The following CC2D1A variants were observed in gnomAD, a reference collection of about 807,000 sequenced individuals.
CC2D1A encodes the protein coiled-coil and C2 domain-containing protein 1A.
Under a neutral mutation model 123.8 loss-of-function variants are expected in CC2D1A, and 68 were observed. The observed-to-expected ratio is 0.55, with a 90% CI of 0.45 to 0.67. The LOEUF (loss-of-function observed/expected upper bound fraction) is 0.67, where lower values mean the gene tolerates loss of function less well. Among genes scored for constraint, CC2D1A ranks in the 30% least tolerant of loss-of-function variants. CC2D1A has a pLI of 0.00. For missense variants in CC2D1A, 1,185 were observed against 1,290.3 expected (o/e 0.92, Z 1.25); for synonymous variants, 477 against 528.0 (o/e 0.90, Z 1.32).
At chr19:13,914,497 G>T (rs1971130739) in intron 6 of CC2D1A, among the ~76,000 whole-genome samples, 1 of 151,142 alleles carries the variant, frequency 6.6e-6, no homozygotes, top group Non-Finnish European at 1.5e-5. Context: ...ACCACACCTG[G>T]CTAATTTTTT....
intron 6 of CC2D1A, among the ~76,000 whole-genome samples, chr19:13,915,921 T>A (rs546712734): frequency 1.8e-4 from 27 of 152,080 alleles, no homozygotes; most frequent in Non-Finnish European, 3.4e-4. Context: ...AGAGGTACAT[T>A]TCTGGTAGAA....
At chr19:13,925,933 A>AAAAATATAT (rs1315518981) in intron 17 of CC2D1A, among the ~76,000 whole-genome samples, 3 of 91,044 alleles carry the variant, frequency 3.3e-5, no homozygotes, top group African/African-American at 1.4e-4. Flanking sequence ...AAAAAAAAAA[A>AAAAATATAT]ATATATATAT....
At chr19:13,926,065 T>TATGTATATAC (rs367555984) in intron 17 of CC2D1A, among the ~76,000 whole-genome samples, 6 of 128,080 alleles carry the variant, frequency 4.7e-5, no homozygotes, top group African/African-American at 7.1e-5. Context: ...TATGTATATA[T>TATGTATATAC]ACACACACAC....
chr19:13,913,594 C>T lies in CC2D1A; in HGVS notation c.704C>T (p.Ala235Val), dbSNP rs1429642532. 6.2e-7 allele frequency: 1 copy of T among 1,613,218 alleles called. No homozygotes were observed. The highest frequency in any genetic ancestry group is 8.5e-7 in the Non-Finnish European group (1 of 1,179,518). ...RVTLEGPSAT[A>V]PASSPGLAKP... ...ACCCTGGAGGGACCTTCTGCCACCG[C>T]CCCAGCCTCATCTCCAGGCTTGGCT... Residue 235 changes from alanine (A) to valine (V), a missense_variant, in exon 6 of 29, where the codon GCC (alanine) becomes GTC (valine). Ala to Val is a moderately conservative substitution (Grantham distance 64). Coordinates refer to ENST00000318003, the MANE Select transcript of CC2D1A (RefSeq NM_017721.5).
rs1354273086 is a variant in CC2D1A, at chr19:13,906,846, G to T, written c.60+345G>T. 6.6e-6 allele frequency among the ~76,000 whole-genome samples: 1 copy of T among 152,236 alleles called. No individual in the cohort carries two copies. The highest frequency in any genetic ancestry group is 2.4e-5 in the African/African-American group (1 of 41,466). ...GATGAGGACTTTGAGACTCAGAGAC[G>T]TGAAGACATCTGCCCAAGGTCATAG... is the stretch of plus-strand genomic sequence containing the variant. On this transcript the variant is annotated intron_variant, in intron 1 of 28. Coordinates refer to ENST00000318003, the MANE Select transcript of CC2D1A (RefSeq NM_017721.5). The surrounding 1 kb of genome is among the most constrained non-coding windows in gnomAD (Gnocchi z 4.1).
rs763471347 is a variant in CC2D1A, at chr19:13,913,572, C to T, written c.682C>T (p.Leu228=). 5 of 1,613,894 alleles carry T rather than the reference C, an allele frequency of 3.1e-6. No homozygotes were observed. In the African/African-American group the frequency reaches 6.7e-5, roughly 22 times the overall value. Residue 228 remains leucine (L), a synonymous_variant, in exon 6 of 29, where the codon CTG becomes TTG. Coordinates refer to ENST00000318003, the MANE Select transcript of CC2D1A (RefSeq NM_017721.5). ...IASAPEPRVT[L]EGPSATAPAS... ...GTCAGCCCCAGAGCCCAGGGTCACCCTGGAGGGACCTTCTGCCACCGCCCC... is the reference window on the plus strand; with the variant it reads ...GTCAGCCCCAGAGCCCAGGGTCACCTTGGAGGGACCTTCTGCCACCGCCCC...
Position 13,929,638 on chromosome 19 carries a change from G to C in CC2D1A, c.2688G>C (p.Gln896His). 5 of 1,566,448 alleles carry C rather than the reference G, an allele frequency of 3.2e-6. No homozygotes were observed. The highest frequency in any genetic ancestry group is 4.3e-6 in the Non-Finnish European group (5 of 1,158,210). Residue 896 changes from glutamine to histidine, a missense_variant, in exon 26 of 29, where the codon CAG becomes CAC. Transcript: ENST00000318003. ...RSQWQRAQLE[Q>H]GGVGIRREYA... ...AGTGGCAGAGGGCACAGCTGGAGCA[G>C]GGGGGTGTGGGCATCCGACGGGGTA...
Position 13,906,863 on chromosome 19 carries a change from A to G in CC2D1A, c.60+362A>G, listed in dbSNP as rs1970770635. Among the ~76,000 whole-genome samples the G allele has an allele frequency of 6.6e-6, 1 of 152,206 alleles. No homozygotes were observed. The highest frequency in any genetic ancestry group is 1.5e-5 in the Non-Finnish European group (1 of 68,026). ...TCAGAGACGTGAAGACATCTGCCCA[A>G]GGTCATAGGGATTAACAGCTTGGCC... On this transcript the variant is annotated intron_variant, in intron 1 of 28. Coordinates refer to ENST00000318003, the MANE Select transcript of CC2D1A (RefSeq NM_017721.5). This position sits in a 1 kb window ranked among gnomAD's most constrained non-coding sequence, Gnocchi z 4.1.
chr19:13,918,085 G>A lies in CC2D1A; in HGVS notation c.764G>A (p.Gly255Asp), dbSNP rs749472369. The A allele has an allele frequency of 3.7e-6, 6 of 1,613,034 alleles. No individual in the cohort carries two copies. The highest frequency in any genetic ancestry group is 4.2e-6 in the Non-Finnish European group (5 of 1,179,934). Residue 255 changes from glycine to aspartate, a missense_variant, in exon 7 of 29, where the codon GGC becomes GAC. Physicochemically the swap from Gly to Asp is moderately conservative, Grantham distance 94. Coordinates refer to ENST00000318003, the MANE Select transcript of CC2D1A (RefSeq NM_017721.5). The stretch of plus-strand genomic sequence containing the variant: ...TCCCTTCCAGGTCCCTGCAGCCCTG[G>A]CCCTCTGGCCCAGTTGCAGAGCCGC... Reference protein sequence around the residue: ...PQMPPGPCSPGPLAQLQSRQR... With the variant: ...PQMPPGPCSPDPLAQLQSRQR...
At chr19:13,928,504 GGGTGTTCCTT>G (rs1393442489) in intron 24 of CC2D1A, among the ~76,000 whole-genome samples, 1 of 151,650 alleles carries the variant, frequency 6.6e-6, no homozygotes, top group African/African-American at 2.4e-5. Flanking sequence ...CCTAGGGTAG[GGGTGTTCCTT>G]GTTCCTCTGC....
chr19:13,922,574 G>C (rs1401889599), intron 14 of CC2D1A, among the ~76,000 whole-genome samples: 2 of 152,098 alleles, frequency 1.3e-5, no homozygotes, highest in African/African-American at 4.8e-5. Flanking sequence ...CTCTCCCTGT[G>C]GCATGTATCA....
Position 13,923,866 on chromosome 19 carries a change from G to A in CC2D1A, c.1940+55G>A. ...TGGCCCCAGTGGCCCTTTGGTGGCG[G>A]TGGGGCGGGTTGTGCTCCCCAGAAG... On this transcript the variant is annotated intron_variant, in intron 17 of 28. Transcript: ENST00000318003. This position sits in a 1 kb window ranked among gnomAD's most constrained non-coding sequence, Gnocchi z 5.3. 7.4e-7 allele frequency: 1 copy of A among 1,352,892 alleles called. No individual in the cohort carries two copies. Among genetic ancestry groups the A allele is most frequent in the Non-Finnish European group, 1.1e-6 (1 of 945,162 alleles). The allele number at this position is 1,352,892 out of a possible 1,614,324, so 83.8% of individuals were successfully genotyped here.
chr19:13,925,406 C>A (rs1971557023), intron 17 of CC2D1A, among the ~76,000 whole-genome samples: 1 of 151,960 alleles, frequency 6.6e-6, no homozygotes, highest in Non-Finnish European at 1.5e-5. Context: ...TGGTGAAATC[C>A]CGTCTCTACT....
intron 12 of CC2D1A, chr19:13,920,259 T>G: frequency 2.1e-6 from 1 of 483,198 alleles, no homozygotes; most frequent in Non-Finnish European, 3.5e-6. Context: ...TCCAAGACAA[T>G]TAAAAAAAAA....
chr19:13,917,929 C>A lies in CC2D1A; in HGVS notation c.749-141C>A, dbSNP rs915199508. 4.8e-6 allele frequency: 4 copies of A among 828,068 alleles called. No individual in the cohort carries two copies. In the African/African-American group the frequency reaches 7.2e-5, roughly 15 times the overall value. 51.3% of individuals were successfully genotyped at this position (828,068 alleles called of 1,614,324 possible). ...GAAGTTGCAGTGAGCTGAGATTGCG[C>A]CACTGTACCCCAGCATGGGCAACAG... On this transcript the variant is annotated intron_variant, in intron 6 of 28. Transcript: ENST00000318003.
chr19:13,929,478 A>C (rs916696064), intron 25 of CC2D1A, 36 bp downstream of exon 25: 1 of 1,612,508 alleles, frequency 6.2e-7, no homozygotes, highest in African/African-American at 1.3e-5. Flanking sequence ...ATGGGGCAGG[A>C]CTGGGGAGTC....
chr19:13,918,543 C>T lies in CC2D1A; in HGVS notation c.913C>T (p.Pro305Ser). The change falls in exon 8 of 29, where the codon CCC becomes TCC. Residue 305 changes from proline to serine, a missense_variant. By Grantham distance (74) the Pro-to-Ser change is moderately conservative. Coordinates refer to ENST00000318003, the MANE Select transcript of CC2D1A (RefSeq NM_017721.5). ...CTTGGAGGCCCTGAGCCGGGGTGAG[C>T]CCGTGGACCTCTCCTGCCTGCCCCC... ...AVLEALSRGE[P>S]VDLSCLPPPP... 6.2e-7 allele frequency: 1 copy of T among 1,613,768 alleles called. No homozygotes were observed. The highest frequency in any genetic ancestry group is 1.3e-5 in the African/African-American group (1 of 75,030).
In CC2D1A at chr19:13,917,669, C is replaced by T. The variant is rs973112738; in HGVS notation, c.749-401C>T. 3.3e-5 allele frequency among the ~76,000 whole-genome samples: 5 copies of T among 151,750 alleles called. No individual in the cohort carries two copies. The South Asian group carries it at 8.3e-4, about 25-fold the overall frequency. On this transcript the variant is annotated intron_variant, in intron 6 of 28. Coordinates refer to ENST00000318003, the MANE Select transcript of CC2D1A (RefSeq NM_017721.5). ...CTGCACTCCAGTCTGGGCAACAGAG[C>T]AAGACCCAGTCTCAAAAAATACATT...
intron 1 of CC2D1A, chr19:13,909,615 T>C: frequency 3.0e-6 from 2 of 675,660 alleles, no homozygotes; most frequent in Non-Finnish European, 5.4e-6. Flanking sequence ...TCTCTTGCCC[T>C]TTGCCCCAGG....
Sources: gnomAD v4.1 joint callset for allele counts (sites outside exome capture counted in the v4.1 genomes callset) on GRCh38, gnomAD v4.1.1 for gene constraint, Gnocchi (gnomAD v3.1) non-coding constraint, MANE v1.5 for transcripts, NCBI Gene and HGNC (gene_info 2026-07-23, HGNC 2026-07-21) for gene names.